Variants in SDK2 observed in about 807,000 individuals in gnomAD.
The protein encoded by SDK2 is protein sidekick-2.
A neutral mutation model predicts 253.9 loss-of-function variants in SDK2; 105 were observed. The ratio of observed to expected loss-of-function variants is 0.41; its 90% CI spans 0.35 to 0.49. SDK2 has a LOEUF of 0.49. Among genes scored for constraint, SDK2 ranks in the 20% least tolerant of loss-of-function variants. SDK2 has a pLI of 0.06. For missense variants in SDK2, 2,608 were observed against 3,003.0 expected (o/e 0.87, Z 3.07); for synonymous variants, 1,249 against 1,234.9 (o/e 1.01, Z -0.24).
intron 1 of SDK2, among the ~76,000 whole-genome samples, chr17:73,540,425 G>A (rs1031033018): frequency 3.3e-5 from 5 of 152,096 alleles, no homozygotes; most frequent in African/African-American, 7.2e-5. Flanking sequence ...TGTGTCTAAC[G>A]TCAATGCTTC....
intron 3 of SDK2, among the ~76,000 whole-genome samples, chr17:73,461,847 A>C (rs1314930513): frequency 6.6e-6 from 1 of 151,216 alleles, no homozygotes; most frequent in Non-Finnish European, 1.5e-5. Context: ...GTTTGCTTGT[A>C]TGCCTGTACG....
chr17:73,587,232 T>G (rs760995869), intron 1 of SDK2, among the ~76,000 whole-genome samples: 8 of 152,034 alleles, frequency 5.3e-5, no homozygotes, highest in Non-Finnish European at 1.5e-5. Context: ...CTAGGCAAAA[T>G]CAGCTCAGCT....
intron 16 of SDK2, among the ~76,000 whole-genome samples, chr17:73,416,661 C>T (rs2063184987): frequency 6.6e-6 from 1 of 152,122 alleles, no homozygotes; most frequent in Non-Finnish European, 1.5e-5. Context: ...ATGATCTTGG[C>T]TCACTGCAAC....
At chr17:73,562,948 A>G (rs1468179110) in intron 1 of SDK2, among the ~76,000 whole-genome samples, 7 of 152,194 alleles carry the variant, frequency 4.6e-5, no homozygotes, top group Admixed American at 4.6e-4. Flanking sequence ...CTGAAGCTGG[A>G]ATACCAGCCC....
intron 1 of SDK2, among the ~76,000 whole-genome samples, chr17:73,530,600 A>T (rs559538904): frequency 3.3e-5 from 5 of 152,298 alleles, no homozygotes; most frequent in African/African-American, 1.2e-4. Context: ...TAGGGGCTGT[A>T]AGCCCCTCGC....
intron 1 of SDK2, among the ~76,000 whole-genome samples, chr17:73,592,822 C>A (rs1391110617): frequency 6.6e-6 from 1 of 152,172 alleles, no homozygotes; most frequent in African/African-American, 2.4e-5. Context: ...ACACCAAGAG[C>A]TTTGGGGAAT....
chr17:73,463,704 A>AT (rs1298960632), intron 3 of SDK2, among the ~76,000 whole-genome samples: 3 of 152,036 alleles, frequency 2.0e-5, no homozygotes, highest in Non-Finnish European at 2.9e-5. Flanking sequence ...CGTGATTTGC[A>AT]TTTTTGTGCA....
chr17:73,419,119 G>A, intron 16 of SDK2, 47 bp downstream of exon 16: 2 of 1,595,204 alleles, frequency 1.3e-6, no homozygotes, highest in Non-Finnish European at 1.7e-6. Context: ...CTTCCCCCAT[G>A]CCTTTCCCCT....
chr17:73,399,543 C>G (rs2063004849), intron 21 of SDK2, among the ~76,000 whole-genome samples: 1 of 152,140 alleles, frequency 6.6e-6, no homozygotes, highest in Non-Finnish European at 1.5e-5. Flanking sequence ...GCTCTCAGGG[C>G]CAGGAAACAG....
intron 37 of SDK2, among the ~76,000 whole-genome samples, chr17:73,367,167 A>G (rs556058739): frequency 6.6e-6 from 1 of 151,990 alleles, no homozygotes; most frequent in African/African-American, 2.4e-5. Flanking sequence ...CACCATGCCC[A>G]GCTAATTTTT....
chr17:73,626,309 G>C (rs1381573667), intron 1 of SDK2, among the ~76,000 whole-genome samples: 1 of 152,188 alleles, frequency 6.6e-6, no homozygotes, highest in Non-Finnish European at 1.5e-5. Flanking sequence ...GGGGAGGACA[G>C]GGGCCAGTTG....
Position 73,338,767 on chromosome 17 carries a change from G to A in SDK2, c.6339C>T (p.Thr2113=). The change falls in exon 45 of 45, where the codon ACC becomes ACT. Residue 2113 remains threonine, a synonymous_variant. Coordinates refer to ENST00000392650, the MANE Select transcript of SDK2 (RefSeq NM_001144952.2). The surrounding 1 kb of genome is among the most constrained non-coding windows in gnomAD (Gnocchi z 5.0). The stretch of plus-strand genomic sequence containing the variant: ...GGGTGCTGGTGCTGTTGGTGACGGT[G>A]GTGTGGTCTGGCTCACCCGAGTCGC... The part of the protein sequence containing the change: ...TESDSGEPDH[T]TVTNSTSTQQ... 6.2e-7 allele frequency: 1 copy of A among 1,613,898 alleles called. No individual in the cohort carries two copies. Among genetic ancestry groups the A allele is most frequent in the Non-Finnish European group, 8.5e-7 (1 of 1,179,874 alleles).
At chr17:73,554,624 C>T (rs2045115397) in intron 1 of SDK2, among the ~76,000 whole-genome samples, 1 of 152,148 alleles carries the variant, frequency 6.6e-6, no homozygotes, top group Non-Finnish European at 1.5e-5. Context: ...AATGAATTTC[C>T]ATCATTTCAG....
intron 12 of SDK2, among the ~76,000 whole-genome samples, chr17:73,424,945 G>A (rs1381809037): frequency 6.6e-6 from 1 of 152,184 alleles, no homozygotes; most frequent in Non-Finnish European, 1.5e-5. Context: ...ACCAGGCTGG[G>A]TGCATGGCTC....
chr17:73,437,932 A>T, intron 7 of SDK2, 32 bp downstream of exon 7: 1 of 1,568,748 alleles, frequency 6.4e-7, no homozygotes, highest in East Asian at 2.4e-5. Context: ...CCTACCCCTC[A>T]GGGGAGCCCT....
Position 73,472,021 on chromosome 17 carries a change from A to G in SDK2, c.331+91T>C, listed in dbSNP as rs2063654497. ...CACTCAGTGGGTGTTGATGGCCATG[A>G]CGGGATCTGGCTCTGCCCAGGATGT... On this transcript the variant is annotated intron_variant, in intron 3 of 44. Transcript: ENST00000392650. The G allele has an allele frequency of 4.3e-6, 4 of 938,632 alleles. No homozygotes were observed. The East Asian group carries it at 7.9e-5, about 19-fold the overall frequency. The allele number at this position is 938,632 out of a possible 1,614,324, so 58.1% of individuals were successfully genotyped here.
rs1188284887 is a variant in SDK2 at position 73,447,329 on chromosome 17, TG to T, written c.613+285del. 6.6e-6 allele frequency among the ~76,000 whole-genome samples: 1 copy of T among 152,034 alleles called. No homozygotes were observed. The highest frequency in any genetic ancestry group is 1.5e-5 in the Non-Finnish European group (1 of 68,002). On this transcript the variant is annotated intron_variant, in intron 5 of 44. Transcript: ENST00000392650. The surrounding 1 kb of genome is among the most constrained non-coding windows in gnomAD (Gnocchi z 4.0). ...GCTCTTCCTCTGCCCCACCCCTCCC[TG>T]GGTCCCTGGTAGCCCTGCTAACAGT... is the stretch of plus-strand genomic sequence containing the variant.
At chr17:73,556,931 C>A (rs185624866) in intron 1 of SDK2, among the ~76,000 whole-genome samples, 4 of 152,158 alleles carry the variant, frequency 2.6e-5, no homozygotes, top group Non-Finnish European at 5.9e-5. Context: ...GAAATTAGCA[C>A]CAGATTGACA....
chr17:73,370,795 G>A (rs1242018879), intron 36 of SDK2, among the ~76,000 whole-genome samples: 6 of 151,964 alleles, frequency 3.9e-5, no homozygotes, highest in African/African-American at 9.7e-5. Flanking sequence ...CGGGTGCAGC[G>A]GCTCACACCT....
Sources: allele counts gnomAD v4.1 joint callset (sites outside exome capture counted in the v4.1 genomes callset), GRCh38; gene constraint gnomAD v4.1.1; non-coding constraint Gnocchi (gnomAD v3.1); transcripts MANE v1.5; gene names NCBI Gene and HGNC (gene_info 2026-07-23, HGNC 2026-07-21).